The following MX1 variants were observed in gnomAD, a reference collection of about 807,000 sequenced individuals.
The protein encoded by MX1 is MX dynamin like GTPase 1.
Under a neutral mutation model 66.4 loss-of-function variants are expected in MX1, and 66 were observed. The observed-to-expected ratio is 0.99, with a 90% CI of 0.82 to 1.22. MX1 has a LOEUF of 1.22. Ranked by LOEUF, MX1 falls within the 50% of genes most tolerant of loss-of-function variation. The pLI is 0.00. For synonymous variants in MX1, 311 were observed against 318.1 expected (o/e 0.98, Z 0.24); for missense variants, 787 against 834.3 (o/e 0.94, Z 0.70).
chr21:41,424,226 AGTGTGTGTGTGT>A (rs3037030), upstream of MX1, among the ~76,000 whole-genome samples: 9 of 146,316 alleles, frequency 6.2e-5, no homozygotes, highest in Middle Eastern at 3.5e-3. Context: ...AGAGGGGTTG[AGTGTGTGTGTGT>A]GTGTGTGTGT....
At chr21:41,450,716 G>T (rs538638268) in intron 14 of MX1, among the ~76,000 whole-genome samples, 2 of 152,152 alleles carry the variant, frequency 1.3e-5, no homozygotes, top group East Asian at 3.9e-4. Flanking sequence ...ATAAAATTCT[G>T]TGAGGAAGTA....
At chr21:41,455,704 A>G (rs2090942251) in intron 16 of MX1, among the ~76,000 whole-genome samples, 1 of 152,210 alleles carries the variant, frequency 6.6e-6, no homozygotes, top group Admixed American at 6.5e-5. Context: ...GTTCTGCCTC[A>G]GTTCTGATGG....
chr21:41,437,164 C>G lies in MX1; in HGVS notation c.436+12C>G, dbSNP rs1180218687. On this transcript the variant is annotated intron_variant, in intron 7 of 16. Coordinates refer to ENST00000398598, the MANE Select transcript of MX1 (RefSeq NM_002462.5). Reference sequence around the variant, plus strand: ...GGAAATTAATAAAGGTGAGTACCCCCTGTTTGGATGCCTGGTCAAGCCTTC... The same window carrying G: ...GGAAATTAATAAAGGTGAGTACCCCGTGTTTGGATGCCTGGTCAAGCCTTC... The G allele has an allele frequency of 1.2e-6, 2 of 1,613,602 alleles. No individual in the cohort carries two copies. The highest frequency in any genetic ancestry group is 8.5e-7 in the Non-Finnish European group (1 of 1,179,752).
chr21:41,457,860 GC>G, intron 16 of MX1, among the ~76,000 whole-genome samples: 1 of 151,840 alleles, frequency 6.6e-6, no homozygotes, highest in East Asian at 1.9e-4. Context: ...CCCATTCCCC[GC>G]CCCTGAATCC....
intron 12 of MX1, 145 bp from the exon 13 acceptor site, chr21:41,445,855 A>T: frequency 9.0e-7 from 1 of 1,105,082 alleles, no homozygotes; most frequent in East Asian, 2.6e-5. Context: ...TCTAGTGCCA[A>T]AACCTCTTCT....
At chr21:41,451,339 T>C in intron 15 of MX1, 96 bp downstream of exon 15, 2 of 832,758 alleles carry the variant, frequency 2.4e-6, no homozygotes, top group South Asian at 1.5e-5. Context: ...ATTTCAACTT[T>C]ATTGTATACT....
Position 41,432,299 on chromosome 21 carries a change from G to GA in MX1, c.105+125dup, listed in dbSNP as rs1601476397. The stretch of plus-strand genomic sequence containing the variant: ...TGCTCTCTCGCCTCTCCTGTGCCAG[G>GA]ACGCAGATCCTGACCCTCTACTTGC... On this transcript the variant is annotated intron_variant, in intron 5 of 16. Coordinates refer to ENST00000398598, the MANE Select transcript of MX1 (RefSeq NM_002462.5). The GA allele has an allele frequency of 2.2e-5, 19 of 845,710 alleles. 1 individual carries two copies. The East Asian group carries it at 4.8e-4, about 21-fold the overall frequency. The allele number at this position is 845,710 out of a possible 1,614,324, so 52.4% of individuals were successfully genotyped here. A position where few individuals can be genotyped will look rare whatever the true frequency, so the allele number is the denominator to read the frequency against.
chr21:41,433,642 G>A (rs1420804762), intron 5 of MX1, among the ~76,000 whole-genome samples: 1 of 152,158 alleles, frequency 6.6e-6, no homozygotes, highest in Admixed American at 6.5e-5. Flanking sequence ...CATATAGGTG[G>A]CAAAACTATA....
At chr21:41,452,586 T>C in intron 15 of MX1, 35 bp from the exon 16 acceptor site, 1 of 1,570,374 alleles carries the variant, frequency 6.4e-7, no homozygotes, top group Non-Finnish European at 8.6e-7. Context: ...ATTTGTGTCT[T>C]GAGGGAAACT....
intron 15 of MX1, 125 bp from the exon 16 acceptor site, chr21:41,452,496 T>C: frequency 8.9e-7 from 1 of 1,124,806 alleles, no homozygotes; most frequent in South Asian, 1.6e-5. Flanking sequence ...CAGAGGGCTG[T>C]TCCAGGAAAC....
chr21:41,453,466 C>T (rs1333950508), intron 16 of MX1, among the ~76,000 whole-genome samples: 1 of 152,208 alleles, frequency 6.6e-6, no homozygotes, highest in African/African-American at 2.4e-5. Flanking sequence ...AGTTACTTAA[C>T]CTCTCTGAGC....
rs118176817 is a variant in MX1 at position 41,434,129 on chromosome 21, A to G, written c.106-1708A>G. 7.3e-3 allele frequency among the ~76,000 whole-genome samples: 1,115 copies of G among 152,368 alleles called. 6 individuals are homozygous for G. The highest frequency in any genetic ancestry group is 0.012 in the Non-Finnish European group (814 of 68,034). On this transcript the variant is annotated intron_variant, in intron 5 of 16. Coordinates refer to ENST00000398598, the MANE Select transcript of MX1 (RefSeq NM_002462.5). ...TGTCCTGTTATAAAGAAGCTATTCT[A>G]GTAAAAACGTCTGTCTATGATGAAG...
upstream of MX1, among the ~76,000 whole-genome samples, chr21:41,423,982 C>A (rs1249721686): frequency 2.0e-5 from 3 of 152,180 alleles, no homozygotes; most frequent in African/African-American, 7.2e-5. Flanking sequence ...CAGTTGCCTG[C>A]AGCTCTTTCT....
intron 6 of MX1, among the ~76,000 whole-genome samples, chr21:41,436,509 A>G (rs570837837): frequency 1.3e-5 from 2 of 152,348 alleles, no homozygotes; most frequent in Admixed American, 6.5e-5. Context: ...CCAGTTCAGA[A>G]CTATATCAGT....
At position 41,452,744 on chromosome 21, in the gene MX1, G is replaced by A. The variant is rs1476625309; in HGVS notation, c.1633G>A (p.Val545Ile). ...GGTATACAGGGGTGCATTGCAGAAG[G>A]TCAGAGAGAAGGAGCTGGAAGAAGA... ...DQVYRGALQKVREKELEEEKK... is the reference protein window; with the variant it reads ...DQVYRGALQKIREKELEEEKK... Residue 545 changes from valine to isoleucine, a missense_variant, in exon 16 of 17, where the codon GTC becomes ATC. Coordinates refer to ENST00000398598, the MANE Select transcript of MX1 (RefSeq NM_002462.5). The A allele has an allele frequency of 1.2e-6, 2 of 1,614,200 alleles. No individual in the cohort carries two copies. Among genetic ancestry groups the A allele is most frequent in the Non-Finnish European group, 1.7e-6 (2 of 1,180,036 alleles).
At chr21:41,456,654 G>A (rs975695451) in intron 16 of MX1, among the ~76,000 whole-genome samples, 1 of 152,188 alleles carries the variant, frequency 6.6e-6, no homozygotes, top group Non-Finnish European at 1.5e-5. Flanking sequence ...CACCATCACA[G>A]CTGGGGAAAG....
At chr21:41,455,633 G>A (rs1162536870) in intron 16 of MX1, among the ~76,000 whole-genome samples, 2 of 152,214 alleles carry the variant, frequency 1.3e-5, no homozygotes, top group Admixed American at 6.5e-5. Flanking sequence ...TTACACAAAG[G>A]TTAGCAGAGG....
intron 13 of MX1, among the ~76,000 whole-genome samples, chr21:41,448,433 C>T (rs1407317792): frequency 6.6e-6 from 1 of 152,112 alleles, no homozygotes; most frequent in Non-Finnish European, 1.5e-5. Context: ...CAGTTGAGGG[C>T]AAGGAGTGTA....
At chr21:41,423,709 A>G (rs1287401982), upstream of MX1, among the ~76,000 whole-genome samples, 2 of 152,118 alleles carry the variant, frequency 1.3e-5, no homozygotes, top group African/African-American at 4.8e-5. Context: ...TTATTGTATG[A>G]CTGACTGCTG....
Sources: gnomAD v4.1 joint callset for allele counts (sites outside exome capture counted in the v4.1 genomes callset) on GRCh38, gnomAD v4.1.1 for gene constraint, MANE v1.5 for transcripts, NCBI Gene and HGNC (gene_info 2026-07-23, HGNC 2026-07-21) for gene names.